NALCN: variants seen among roughly 807,000 people sequenced by gnomAD.
NALCN encodes the protein sodium leak channel, non-selective.
In NALCN, 111 loss-of-function variants were observed where a neutral mutation model predicts 225.3. That is an observed-to-expected ratio of 0.49 (90% CI 0.42 to 0.58). NALCN has a LOEUF of 0.58. Ranked by LOEUF, NALCN falls within the 20% of genes least tolerant of loss-of-function variation. The pLI is 0.00. For missense variants in NALCN, 1,378 were observed against 2,202.4 expected (o/e 0.63, Z 7.49); for synonymous variants, 764 against 769.0 (o/e 0.99, Z 0.11).
Position 101,055,095 on chromosome 13 carries a change from T to G in NALCN, c.*200A>C. On this transcript the variant is annotated 3_prime_UTR_variant, in exon 44 of 44. Transcript: ENST00000251127. ...TATCAGTACTGTCATTATACAAAAA[T>G]TTTTTTGAGCAATGATTGATAGTAA... 3.6e-6 allele frequency: 2 copies of G among 556,216 alleles called. No individual in the cohort carries two copies. The highest frequency in any genetic ancestry group is 6.3e-6 in the Non-Finnish European group (2 of 315,730). The allele number at this position is 556,216 out of a possible 1,614,324, so 34.5% of individuals were successfully genotyped here.
chr13:101,301,281 G>C (rs747992879), intron 7 of NALCN, among the ~76,000 whole-genome samples: 2 of 152,176 alleles, frequency 1.3e-5, no homozygotes, highest in Non-Finnish European at 2.9e-5. Flanking sequence ...CCCTGCGCTC[G>C]GCAATTTCCA....
rs561414087 is a variant in NALCN at position 101,179,265 on chromosome 13, C to T, written c.1765-2891G>A. ...CCAGCCCACAGTGAGTTTCGGTGCT[C>T]TCGTTTGTAAAATATTACAAATGTA... On this transcript the variant is annotated intron_variant, in intron 14 of 43. Transcript: ENST00000251127. Among the ~76,000 whole-genome samples the T allele has an allele frequency of 2.0e-5, 3 of 152,232 alleles. No individual in the cohort carries two copies. In the East Asian group the frequency reaches 5.8e-4, roughly 29 times the overall value.
At chr13:101,276,125 C>A (rs932494514) in intron 10 of NALCN, among the ~76,000 whole-genome samples, 6 of 143,432 alleles carry the variant, frequency 4.2e-5, no homozygotes, top group Admixed American at 2.1e-4. Context: ...AAGTGACAAG[C>A]ACATCAGCAA....
Position 101,229,423 on chromosome 13 carries a change from T to G in NALCN, c.1596A>C (p.Glu532Asp), listed in dbSNP as rs778469231. ...AISLQMFCFV[E>D]ELDRFTTFPR... ...GAAACGTAGTAAATCTGTCCAGTTC[T>G]TCGACAAAGCAGAACATCTGCAAAC... is the stretch of plus-strand genomic sequence containing the variant. Residue 532 changes from glutamate to aspartate, a missense_variant, in exon 13 of 44, where the codon GAA becomes GAC. Around this residue, in one of 19 missense-constraint regions of NALCN, gnomAD observed 18 missense variants for 18.0 expected, o/e 1.00. Transcript: ENST00000251127. The G allele has an allele frequency of 6.2e-7, 1 of 1,603,878 alleles. No individual in the cohort carries two copies. The highest frequency in any genetic ancestry group is 2.3e-5 in the East Asian group (1 of 44,144).
chr13:101,127,053 T>C (rs1566308735), intron 17 of NALCN, among the ~76,000 whole-genome samples: 1 of 152,244 alleles, frequency 6.6e-6, no homozygotes, highest in Non-Finnish European at 1.5e-5. Context: ...CATGTGTTAG[T>C]TGTCTTTCCT....
chr13:101,399,063 C>T lies in NALCN; in HGVS notation c.64G>A (p.Glu22Lys). 6.2e-7 allele frequency: 1 copy of T among 1,613,474 alleles called. No homozygotes were observed. The highest frequency in any genetic ancestry group is 8.5e-7 in the Non-Finnish European group (1 of 1,179,510). ...ATGTCAGCATTATCCGACAGAGACT[C>T]ATCAGGACCAAAGTCAGTGACTGGC... ...AQPVTDFGPDESLSDNADILW... is the reference protein window; with the variant it reads ...AQPVTDFGPDKSLSDNADILW... The change falls in exon 2 of 44, where the codon GAG (glutamate) becomes AAG (lysine). Residue 22 changes from glutamate (E) to lysine (K), a missense_variant. Around this residue, in one of 19 missense-constraint regions of NALCN, gnomAD observed 146 missense variants for 205.9 expected, o/e 0.71. Transcript: ENST00000251127.
At chr13:101,193,983 T>C (rs2039787729) in intron 13 of NALCN, among the ~76,000 whole-genome samples, 1 of 152,190 alleles carries the variant, frequency 6.6e-6, no homozygotes, top group Non-Finnish European at 1.5e-5. Flanking sequence ...TCACTGGACA[T>C]GGCTTTCTTT....
At chr13:101,389,736 C>T (rs1007877714) in intron 3 of NALCN, among the ~76,000 whole-genome samples, 3 of 152,172 alleles carry the variant, frequency 2.0e-5, no homozygotes, top group Admixed American at 1.3e-4. Context: ...AACAACCAAA[C>T]AAACGGATCA....
In NALCN at chr13:101,399,079, A is replaced by G. The variant is rs80152090; in HGVS notation, c.48T>C (p.Thr16=). 11 of 1,613,576 alleles carry G rather than the reference A, an allele frequency of 6.8e-6. No homozygotes were observed. The highest frequency in any genetic ancestry group is 9.3e-6 in the Non-Finnish European group (11 of 1,179,690). The part of the protein sequence containing the change: ...QSSRVEAQPV[T]DFGPDESLSD... ...ACAGAGACTCATCAGGACCAAAGTC[A>G]GTGACTGGCTGGGCTTCCACCCTGG... The change falls in exon 2 of 44, where the codon ACT becomes ACC. Residue 16 remains threonine, a synonymous_variant. Transcript: ENST00000251127.
At chr13:101,091,062 T>C (rs899882556) in intron 28 of NALCN, among the ~76,000 whole-genome samples, 5 of 152,234 alleles carry the variant, frequency 3.3e-5, no homozygotes, top group Non-Finnish European at 5.9e-5. Flanking sequence ...ATTGTTATGG[T>C]TCTTAGCTAA....
rs184246269 is a variant in NALCN at position 101,268,164 on chromosome 13, T to C, written c.1135-9590A>G. Among the ~76,000 whole-genome samples, 26 of 152,318 alleles carry C rather than the reference T, an allele frequency of 1.7e-4. No individual in the cohort carries two copies. In the East Asian group the frequency reaches 5.0e-3, roughly 29 times the overall value. On this transcript the variant is annotated intron_variant, in intron 10 of 43. Transcript: ENST00000251127. ...ATTTTGCAACGTGTTTACATAGACA[T>C]GTATGACATGTATGTATGTATATGC...
intron 9 of NALCN, among the ~76,000 whole-genome samples, chr13:101,290,713 T>C (rs1316560585): frequency 6.6e-6 from 1 of 152,216 alleles, no homozygotes; most frequent in Non-Finnish European, 1.5e-5. Flanking sequence ...TTAATTGCAT[T>C]TTAACAAATA....
At chr13:101,411,692 G>A (rs2047792696) in intron 1 of NALCN, among the ~76,000 whole-genome samples, 1 of 151,956 alleles carries the variant, frequency 6.6e-6, no homozygotes, top group Non-Finnish European at 1.5e-5. Context: ...TCTGATCGTT[G>A]GTATATATGG....
At chr13:101,416,156 G>A (rs558981534) in intron 1 of NALCN, among the ~76,000 whole-genome samples, 157 bp downstream of exon 1, 11 of 133,470 alleles carry the variant, frequency 8.2e-5, no homozygotes, top group African/African-American at 2.7e-4. Context: ...GCCCCCGCCC[G>A]CAGCCCCTCT....
chr13:101,356,235 CAAAAAAT>C (rs2046055931), intron 6 of NALCN, among the ~76,000 whole-genome samples: 1 of 151,672 alleles, frequency 6.6e-6, no homozygotes, highest in Non-Finnish European at 1.5e-5. Context: ...AGAAGCCATT[CAAAAAAT>C]TAATGAATTC....
At chr13:101,186,955 C>T (rs1380796795) in intron 14 of NALCN, among the ~76,000 whole-genome samples, 1 of 152,098 alleles carries the variant, frequency 6.6e-6, no homozygotes, top group Admixed American at 6.6e-5. Context: ...TAAATACAGA[C>T]CATCAGTGAA....
intron 10 of NALCN, among the ~76,000 whole-genome samples, chr13:101,264,098 T>C (rs1216712881): frequency 6.6e-6 from 1 of 152,202 alleles, no homozygotes; most frequent in Admixed American, 6.5e-5. Context: ...GTCTTCACAA[T>C]TGCATTATTT....
intron 13 of NALCN, among the ~76,000 whole-genome samples, chr13:101,209,565 C>T (rs1036067670): frequency 6.6e-6 from 1 of 152,064 alleles, no homozygotes; most frequent in East Asian, 1.9e-4. Context: ...TATTGCCGGA[C>T]ACATTATATT....
intron 15 of NALCN, among the ~76,000 whole-genome samples, chr13:101,154,984 C>G (rs114603186): frequency 0.018 from 2,808 of 152,256 alleles, 88 homozygotes; most frequent in African/African-American, 0.063. Flanking sequence ...AAAGTATAAA[C>G]TTGATACAAC....
Sources: allele counts gnomAD v4.1 joint callset (sites outside exome capture counted in the v4.1 genomes callset), GRCh38; gene constraint gnomAD v4.1.1; regional missense constraint gnomAD v4.1.1; transcripts MANE v1.5; gene names NCBI Gene and HGNC (gene_info 2026-07-23, HGNC 2026-07-21).